CUBN: variants seen among roughly 807,000 people sequenced by gnomAD.
CUBN encodes the protein 460 kDa receptor.
CUBN carries 282 observed loss-of-function variants against 405.3 expected under a neutral mutation model. The ratio of observed to expected loss-of-function variants is 0.70; its 90% CI spans 0.63 to 0.77. The LOEUF (loss-of-function observed/expected upper bound fraction) is 0.77. CUBN is among the 30% of genes least tolerant of loss of function. The probability of loss-of-function intolerance (pLI) is 0.00; values close to 1 mark genes in which losing one functional copy is unlikely to be tolerated. For missense variants in CUBN, 4,514 were observed against 4,475.2 expected (o/e 1.01, Z -0.25); for synonymous variants, 1,684 against 1,617.0 (o/e 1.04, Z -0.99).
chr10:16,908,705 C>CA (rs1158617744), intron 48 of CUBN, among the ~76,000 whole-genome samples: 2 of 151,434 alleles, frequency 1.3e-5, no homozygotes, highest in Non-Finnish European at 2.9e-5. Flanking sequence ...TTTCACAGTT[C>CA]AAAAAAAATC....
In CUBN at chr10:16,860,412, G is replaced by T. The variant is rs545927014; in HGVS notation, c.9455-8969C>A. ...CATTTAAAAACGTTGTTACATAATG[G>T]TATCAGTCAATCCACTAGAAAGATA... On this transcript the variant is annotated intron_variant, in intron 59 of 66. Coordinates refer to ENST00000377833, the MANE Select transcript of CUBN (RefSeq NM_001081.4). Among the ~76,000 whole-genome samples, 3 of 152,258 alleles carry T rather than the reference G, an allele frequency of 2.0e-5. No homozygotes were observed. In the South Asian group the frequency reaches 6.2e-4, roughly 32 times the overall value.
At chr10:17,054,317 G>A (rs1381762873) in intron 22 of CUBN, among the ~76,000 whole-genome samples, 1 of 125,434 alleles carries the variant, frequency 8.0e-6, no homozygotes, top group South Asian at 3.4e-4. Context: ...GGCAACGAGA[G>A]TGAAACTCCG....
At chr10:16,873,393 A>G (rs1840413887) in intron 58 of CUBN, among the ~76,000 whole-genome samples, 2 of 152,170 alleles carry the variant, frequency 1.3e-5, no homozygotes, top group Non-Finnish European at 2.9e-5. Flanking sequence ...GTTCTGACAC[A>G]GGTATAAAAA....
intron 16 of CUBN, 79 bp from the exon 17 acceptor site, chr10:17,084,540 A>C: frequency 5.4e-6 from 6 of 1,120,054 alleles, no homozygotes; most frequent in Non-Finnish European, 6.6e-6. Flanking sequence ...ATTTCTAAAA[A>C]TTTACCCACA....
chr10:17,116,773 G>A (rs968097691), intron 6 of CUBN, among the ~76,000 whole-genome samples: 1 of 152,148 alleles, frequency 6.6e-6, no homozygotes, highest in Non-Finnish European at 1.5e-5. Flanking sequence ...CAATTGCTGG[G>A]GTGGCAGCTT....
At chr10:16,975,389 G>A (rs1833060633) in intron 31 of CUBN, among the ~76,000 whole-genome samples, 1 of 152,180 alleles carries the variant, frequency 6.6e-6, no homozygotes, top group African/African-American at 2.4e-5. Context: ...CATGTAGGTG[G>A]AAAACCCTCC....
At chr10:16,964,185 A>G (rs1223944123) in intron 31 of CUBN, among the ~76,000 whole-genome samples, 1 of 152,230 alleles carries the variant, frequency 6.6e-6, no homozygotes, top group African/African-American at 2.4e-5. Context: ...AGAGTGTTCA[A>G]TAAAGAAAAG....
intron 22 of CUBN, among the ~76,000 whole-genome samples, chr10:17,052,676 C>A (rs9664323): frequency 0.05 from 6,973 of 139,796 alleles, 554 homozygotes; most frequent in African/African-American, 0.17. Flanking sequence ...ACGAGAATTG[C>A]TGAAACCCGG....
At chr10:16,856,524 G>C (rs1455529868) in intron 59 of CUBN, among the ~76,000 whole-genome samples, 3 of 152,160 alleles carry the variant, frequency 2.0e-5, no homozygotes, top group Non-Finnish European at 4.4e-5. Flanking sequence ...AAACCTCAGA[G>C]TGAAGCTTAA....
intron 54 of CUBN, among the ~76,000 whole-genome samples, chr10:16,897,501 C>T (rs1003466111): frequency 1.3e-5 from 2 of 152,236 alleles, no homozygotes; most frequent in South Asian, 2.1e-4. Context: ...TAATTTTCCC[C>T]TACCAATACC....
chr10:16,881,514 T>G (rs549178921), intron 56 of CUBN, among the ~76,000 whole-genome samples: 1 of 152,310 alleles, frequency 6.6e-6, no homozygotes, highest in African/African-American at 2.4e-5. Context: ...GCAGAGGAAG[T>G]TGACAAGGGA....
At chr10:17,062,806 C>A (rs1182598219) in intron 22 of CUBN, among the ~76,000 whole-genome samples, 1 of 152,182 alleles carries the variant, frequency 6.6e-6, no homozygotes, top group Admixed American at 6.5e-5. Flanking sequence ...GGCTGAGGAG[C>A]TAGAAATCAA....
intron 9 of CUBN, 34 bp downstream of exon 9, chr10:17,110,885 G>A: frequency 6.2e-7 from 1 of 1,614,046 alleles, no homozygotes. Flanking sequence ...CCCTGTGCTG[G>A]GGTCAGGAGG....
At chr10:16,943,125 A>G (rs1842702060) in intron 36 of CUBN, among the ~76,000 whole-genome samples, 1 of 152,078 alleles carries the variant, frequency 6.6e-6, no homozygotes, top group East Asian at 1.9e-4. Context: ...ATCTCTGGTC[A>G]CTCCCTGCCT....
At chr10:16,901,010 G>A (rs904046544) in intron 52 of CUBN, among the ~76,000 whole-genome samples, 160 bp from the exon 53 acceptor site, 5 of 151,866 alleles carry the variant, frequency 3.3e-5, no homozygotes, top group African/African-American at 7.3e-5. Flanking sequence ...CCTTATTGAA[G>A]GTTCTCTTGG....
At chr10:16,904,853 G>A (rs1564415130) in intron 50 of CUBN, among the ~76,000 whole-genome samples, 2 of 152,180 alleles carry the variant, frequency 1.3e-5, no homozygotes, top group Non-Finnish European at 1.5e-5. Flanking sequence ...ACAGGCAGAG[G>A]GGGTGAGGGT....
At chr10:16,905,775 G>A (rs1841536947) in intron 50 of CUBN, among the ~76,000 whole-genome samples, 3 of 152,190 alleles carry the variant, frequency 2.0e-5, no homozygotes, top group Admixed American at 6.5e-5. Context: ...ACCTATGTTA[G>A]AGCCATTTGA....
At chr10:16,857,628 A>G (rs754038202) in intron 59 of CUBN, among the ~76,000 whole-genome samples, 2 of 152,252 alleles carry the variant, frequency 1.3e-5, no homozygotes, top group South Asian at 4.1e-4. Context: ...TCCAACACAC[A>G]TTCATGATAA....
chr10:17,047,484 C>A lies in CUBN; in HGVS notation c.3259G>T (p.Ala1087Ser), dbSNP rs1835164441. Reference protein sequence around the residue: ...RITVRTGQLIAVHFTNFSLEE... With the variant: ...RITVRTGQLISVHFTNFSLEE... ...AAGGAGAAGTTTGTGAAGTGCACTG[C>A]AATCAGTTGGCCAGTTCTCACTGTG... Residue 1087 changes from alanine to serine, a missense_variant, in exon 23 of 67, where the codon GCA becomes TCA. By Grantham distance (99) the Ala-to-Ser change is moderately conservative. Around this residue, in one of 5 missense-constraint regions of CUBN, gnomAD observed 1,448 missense variants for 1,388.0 expected, o/e 1.04. Coordinates refer to ENST00000377833, the MANE Select transcript of CUBN (RefSeq NM_001081.4). 4 of 1,614,044 alleles carry A rather than the reference C, an allele frequency of 2.5e-6. No individual in the cohort carries two copies. Among genetic ancestry groups the A allele is most frequent in the Non-Finnish European group, 1.7e-6 (2 of 1,179,948 alleles).
Sources: gnomAD v4.1 joint callset for allele counts (sites outside exome capture counted in the v4.1 genomes callset) on GRCh38, gnomAD v4.1.1 for gene constraint, gnomAD v4.1.1 regional missense constraint, MANE v1.5 for transcripts, NCBI Gene and HGNC (gene_info 2026-07-23, HGNC 2026-07-21) for gene names.